KIF14: variants seen among roughly 807,000 people sequenced by gnomAD.
KIF14 encodes kinesin family member 14.
KIF14 carries 98 observed loss-of-function variants against 176.2 expected under a neutral mutation model. The ratio of observed to expected loss-of-function variants is 0.56; its 90% CI spans 0.47 to 0.66. KIF14 has a LOEUF of 0.66. KIF14 is among the 30% of genes least tolerant of loss of function. The pLI, the probability that KIF14 is intolerant of heterozygous loss-of-function variation, is 0.00. For synonymous variants in KIF14, 566 were observed against 632.2 expected (o/e 0.90, Z 1.57); for missense variants, 1,751 against 1,920.4 (o/e 0.91, Z 1.65).
rs111877242 is a variant in KIF14, at chr1:200,599,618, C to G, written c.2364+432G>C. Among the ~76,000 whole-genome samples the G allele has an allele frequency of 3.9e-5, 6 of 152,314 alleles. 1 individual carries two copies. The highest frequency in any genetic ancestry group is 1.4e-4 in the African/African-American group (6 of 41,572). On this transcript the variant is annotated intron_variant, in intron 13 of 29. Transcript: ENST00000367350. ...ACTGCCAGTGTTCAACCATGCTTTA[C>G]CTACAAAAATGGCAATTGCTTATGG... is the stretch of plus-strand genomic sequence containing the variant.
At position 200,619,303 on chromosome 1, in the gene KIF14, AT is replaced by A. The variant is rs35089676; in HGVS notation, c.-115-466del. ...ATTTTTATAAATACCTGCTACACGT[AT>A]TTTTTTTTTTTGCCAATGTTCCATA... On this transcript the variant is annotated intron_variant, in intron 1 of 29. Transcript: ENST00000367350. Among the ~76,000 whole-genome samples, 373 of 147,708 alleles carry A rather than the reference AT, an allele frequency of 2.5e-3. 3 individuals are homozygous for A. Among genetic ancestry groups the A allele is most frequent in the African/African-American group, 3.5e-3 (140 of 40,568 alleles).
intron 14 of KIF14, among the ~76,000 whole-genome samples, chr1:200,595,257 G>GT (rs1659270232): frequency 7.7e-6 from 1 of 129,662 alleles, no homozygotes; most frequent in Non-Finnish European, 1.7e-5. Context: ...CTTCTAAGCA[G>GT]TAAGTATGCA....
intron 24 of KIF14, 22 bp from the exon 25 acceptor site, chr1:200,565,275 T>G (rs1399363075): frequency 3.2e-6 from 5 of 1,571,664 alleles, no homozygotes; most frequent in Non-Finnish European, 3.4e-6. Flanking sequence ...GAAGAAAAAT[T>G]ACTGAATGAA....
chr1:200,556,405 T>G (rs1001872367), intron 27 of KIF14, among the ~76,000 whole-genome samples: 5 of 152,258 alleles, frequency 3.3e-5, no homozygotes, highest in African/African-American at 1.2e-4. Context: ...TTCAGCTCAT[T>G]TTCTATTTCT....
At position 200,565,568 on chromosome 1, in the gene KIF14, G is replaced by A; in HGVS notation, c.3763C>T (p.Gln1255Ter). 1 of 1,611,360 alleles carries A rather than the reference G, an allele frequency of 6.2e-7. No homozygotes were observed. Among genetic ancestry groups the A allele is most frequent in the Non-Finnish European group, 8.5e-7 (1 of 1,179,372 alleles). Residue 1255 changes from glutamine (Q) to a stop codon, truncating the protein, a stop_gained, in exon 24 of 30, where the codon CAG (glutamine) becomes TAG (stop). Coordinates refer to ENST00000367350, the MANE Select transcript of KIF14 (RefSeq NM_014875.3). LOFTEE classifies it high-confidence loss of function. ...ATAGTTCTTTCTTCATCATAACTCTGTCCAAAAAAATCTAACGAAGAACCA... is the reference window on the plus strand; with the variant it reads ...ATAGTTCTTTCTTCATCATAACTCTATCCAAAAAAATCTAACGAAGAACCA... ...LIGSSLDFFG[Q>*]SYDEERTIAD...
At chr1:200,581,378 A>G (rs993835143) in intron 19 of KIF14, 84 bp from the exon 20 acceptor site, 6 of 623,234 alleles carry the variant, frequency 9.6e-6, no homozygotes, top group Non-Finnish European at 1.6e-5. Flanking sequence ...CCTAAAAAAA[A>G]AATCACTGAT....
chr1:200,564,260 CA>C (rs57025286), intron 25 of KIF14, among the ~76,000 whole-genome samples: 167 of 66,308 alleles, frequency 2.5e-3, no homozygotes, highest in Admixed American at 3.5e-3. Flanking sequence ...GACTCCAGCT[CA>C]AAAAAAAAAA....
chr1:200,586,808 TATATATATAC>T (rs1658774683), intron 18 of KIF14, among the ~76,000 whole-genome samples: 1 of 148,026 alleles, frequency 6.8e-6, no homozygotes, highest in Non-Finnish European at 1.5e-5. Flanking sequence ...TATATATATA[TATATATATAC>T]ACCATGAAAT....
At chr1:200,609,881 C>A (rs1660066498) in intron 4 of KIF14, among the ~76,000 whole-genome samples, 1 of 152,194 alleles carries the variant, frequency 6.6e-6, no homozygotes, top group Non-Finnish European at 1.5e-5. Flanking sequence ...GAATGAAGTA[C>A]TGTATGTGCT....
chr1:200,554,428 T>C (rs767486972), intron 29 of KIF14, 40 bp downstream of exon 29: 8 of 1,324,920 alleles, frequency 6.0e-6, no homozygotes, highest in Non-Finnish European at 8.4e-6. Flanking sequence ...TTCCTTAAAA[T>C]ATAAAATTCT....
At chr1:200,562,939 C>T (rs980556728) in intron 25 of KIF14, among the ~76,000 whole-genome samples, 1 of 152,138 alleles carries the variant, frequency 6.6e-6, no homozygotes, top group Non-Finnish European at 1.5e-5. Flanking sequence ...TGTCCTCTAC[C>T]TTCTTAGAGC....
At chr1:200,557,949 A>G (rs1212955004) in intron 27 of KIF14, among the ~76,000 whole-genome samples, 1 of 152,124 alleles carries the variant, frequency 6.6e-6, no homozygotes, top group Non-Finnish European at 1.5e-5. Flanking sequence ...TGGAATGGAC[A>G]GGGGTGGTTT....
At chr1:200,581,460 AT>A (rs1658449862) in intron 19 of KIF14, among the ~76,000 whole-genome samples, 166 bp from the exon 20 acceptor site, 1 of 152,102 alleles carries the variant, frequency 6.6e-6, no homozygotes. Flanking sequence ...GAAATAAAAC[AT>A]TTTTCCTATA....
At chr1:200,592,663 C>T (rs1241296238) in intron 15 of KIF14, among the ~76,000 whole-genome samples, 3 of 152,200 alleles carry the variant, frequency 2.0e-5, no homozygotes, top group Non-Finnish European at 2.9e-5. Flanking sequence ...ATACCAAACA[C>T]TGCATTAAGC....
chr1:200,591,235 T>C (rs1659037051), intron 16 of KIF14, among the ~76,000 whole-genome samples: 1 of 152,218 alleles, frequency 6.6e-6, no homozygotes, highest in Admixed American at 6.5e-5. Context: ...TATAACCAGT[T>C]CTTGATTCCT....
chr1:200,589,127 C>T, intron 18 of KIF14, 90 bp downstream of exon 18: 1 of 1,063,768 alleles, frequency 9.4e-7, no homozygotes. Flanking sequence ...ATTTGGCTCT[C>T]TTCTGTCAAC....
At chr1:200,596,132 C>A (rs1015983386) in intron 14 of KIF14, among the ~76,000 whole-genome samples, 2 of 151,698 alleles carry the variant, frequency 1.3e-5, no homozygotes, top group African/African-American at 4.8e-5. Context: ...CAGACATCTG[C>A]AATCCCAGCT....
At chr1:200,573,561 C>G (rs111502808) in intron 22 of KIF14, among the ~76,000 whole-genome samples, 3 of 151,616 alleles carry the variant, frequency 2.0e-5, no homozygotes, top group Non-Finnish European at 4.4e-5. Context: ...CTCAGCCTCC[C>G]GAGTAGCTGG....
At chr1:200,606,646 T>C (rs570730288) in intron 6 of KIF14, 100 bp downstream of exon 6, 14 of 1,055,292 alleles carry the variant, frequency 1.3e-5, no homozygotes, top group South Asian at 1.3e-4. Flanking sequence ...GGTTTCAAAG[T>C]TAGGAAGGCC....
Sources: allele counts gnomAD v4.1 joint callset (sites outside exome capture counted in the v4.1 genomes callset), GRCh38; gene constraint gnomAD v4.1.1; transcripts MANE v1.5; gene names NCBI Gene and HGNC (gene_info 2026-07-23, HGNC 2026-07-21).